The following PLPPR1 variants were observed in gnomAD, a reference collection of about 807,000 sequenced individuals.
The protein encoded by PLPPR1 is phospholipid phosphatase related 1, also known as phospholipid phosphatase-related protein type 1.
PLPPR1 carries 10 observed loss-of-function variants against 33.1 expected under a neutral mutation model. The ratio of observed to expected loss-of-function variants is 0.30; its 90% CI spans 0.19 to 0.51. The LOEUF is 0.51. Ranked by LOEUF, PLPPR1 falls within the 20% of genes least tolerant of loss-of-function variation. The pLI is 0.97. For synonymous variants in PLPPR1, 151 were observed against 151.0 expected, an observed-to-expected ratio of 1.00 and a Z score of 0.00; for missense variants, 304 against 408.1, an observed-to-expected ratio of 0.74 and a Z score of 2.20.
intron 1 of PLPPR1, among the ~76,000 whole-genome samples, chr9:101,098,509 A>G (rs1224209858): frequency 1.3e-5 from 2 of 152,090 alleles, no homozygotes; most frequent in African/African-American, 4.8e-5. Flanking sequence ...AACTAAACTC[A>G]TGGGAATGGG....
At chr9:101,305,976 T>C (rs1828853277) in intron 4 of PLPPR1, among the ~76,000 whole-genome samples, 1 of 152,196 alleles carries the variant, frequency 6.6e-6, no homozygotes, top group Non-Finnish European at 1.5e-5. Context: ...TCATCCTCTT[T>C]CTTTATCCTT....
At chr9:101,301,140 C>T (rs1192087334) in intron 4 of PLPPR1, among the ~76,000 whole-genome samples, 1 of 152,150 alleles carries the variant, frequency 6.6e-6, no homozygotes, top group Admixed American at 6.5e-5. Context: ...TATCCTTCAT[C>T]TTCACTTATC....
At chr9:101,285,775 C>T (rs2118915414) in intron 3 of PLPPR1, among the ~76,000 whole-genome samples, 1 of 152,272 alleles carries the variant, frequency 6.6e-6, no homozygotes, top group Non-Finnish European at 1.5e-5. Context: ...CATTCCTCAT[C>T]ATTGCTACTC....
intron 1 of PLPPR1, among the ~76,000 whole-genome samples, chr9:101,114,241 A>C (rs1190057581): frequency 3.9e-5 from 6 of 152,154 alleles, no homozygotes; most frequent in Non-Finnish European, 8.8e-5. Context: ...TCCTCACAAC[A>C]CCCTTGTGAC....
intron 1 of PLPPR1, among the ~76,000 whole-genome samples, chr9:101,057,974 T>C (rs16919766): frequency 0.048 from 7,241 of 152,088 alleles, 415 homozygotes; most frequent in South Asian, 0.19. Context: ...ATGGCTTTTG[T>C]GAAACATCTA....
At chr9:101,308,145 T>C (rs1197703229) in intron 4 of PLPPR1, among the ~76,000 whole-genome samples, 1 of 152,188 alleles carries the variant, frequency 6.6e-6, no homozygotes, top group Admixed American at 6.5e-5. Context: ...GGAAACTGAA[T>C]GTTACCTTAC....
intron 1 of PLPPR1, among the ~76,000 whole-genome samples, chr9:101,146,736 A>T (rs1187956214): frequency 6.6e-6 from 1 of 152,212 alleles, no homozygotes; most frequent in East Asian, 1.9e-4. Flanking sequence ...GACACAGTAC[A>T]TTGCCTGAGT....
intron 1 of PLPPR1, among the ~76,000 whole-genome samples, chr9:101,037,847 G>A (rs1237111610): frequency 7.2e-6 from 1 of 138,826 alleles, no homozygotes; most frequent in African/African-American, 2.7e-5. Flanking sequence ...ACAGTCTTTT[G>A]GGTCTAGTTT....
chr9:101,056,091 G>A (rs1830275007), intron 1 of PLPPR1, among the ~76,000 whole-genome samples: 1 of 152,104 alleles, frequency 6.6e-6, no homozygotes, highest in Admixed American at 6.5e-5. Context: ...TTAATCCTTT[G>A]GTATTCTGGG....
chr9:101,033,856 T>A (rs1042113470), intron 1 of PLPPR1, among the ~76,000 whole-genome samples: 2 of 152,208 alleles, frequency 1.3e-5, no homozygotes, highest in African/African-American at 4.8e-5. Flanking sequence ...TTTTCATAAT[T>A]GTACAAGCAA....
chr9:101,141,957 G>C (rs2118633124), intron 1 of PLPPR1, among the ~76,000 whole-genome samples: 1 of 152,244 alleles, frequency 6.6e-6, no homozygotes, highest in African/African-American at 2.4e-5. Context: ...TAATTGGCCA[G>C]ATCACTGCAG....
At chr9:101,259,941 T>C (rs1430168726) in intron 2 of PLPPR1, among the ~76,000 whole-genome samples, 2 of 152,172 alleles carry the variant, frequency 1.3e-5, no homozygotes, top group Admixed American at 1.3e-4. Flanking sequence ...AGGCAATTCC[T>C]TGTGAGGGAG....
chr9:101,097,720 C>T (rs557717735), intron 1 of PLPPR1, among the ~76,000 whole-genome samples: 91 of 152,206 alleles, frequency 6.0e-4, no homozygotes, highest in Non-Finnish European at 6.6e-4. Context: ...TGGCCACATT[C>T]GGAATGGAAT....
At chr9:101,159,903 T>C (rs1831751014) in intron 1 of PLPPR1, among the ~76,000 whole-genome samples, 2 of 152,204 alleles carry the variant, frequency 1.3e-5, no homozygotes, top group Non-Finnish European at 1.5e-5. Flanking sequence ...TAGAGCTGGA[T>C]GCTTAAGTCT....
In PLPPR1 at chr9:101,178,137, T is replaced by C. The variant is rs10989420; in HGVS notation, c.-45-7313T>C. ...TAATGATCAAGTGGATAGAATGACCTATGACCTGTGGATACCACTCAGCCT... is the reference window on the plus strand; with the variant it reads ...TAATGATCAAGTGGATAGAATGACCCATGACCTGTGGATACCACTCAGCCT... On this transcript the variant is annotated intron_variant, in intron 1 of 7. Transcript: ENST00000374874. Among the ~76,000 whole-genome samples, 15 of 152,318 alleles carry C rather than the reference T, an allele frequency of 9.8e-5. No homozygotes were observed. In the East Asian group the frequency reaches 2.9e-3, roughly 29 times the overall value.
intron 1 of PLPPR1, among the ~76,000 whole-genome samples, chr9:101,114,094 GAA>G (rs1831091202): frequency 6.6e-6 from 1 of 152,162 alleles, no homozygotes; most frequent in East Asian, 1.9e-4. Flanking sequence ...AAGTCAGAGA[GAA>G]AGAATAGGAA....
chr9:101,108,892 T>G (rs1275281683), intron 1 of PLPPR1, among the ~76,000 whole-genome samples: 1 of 152,036 alleles, frequency 6.6e-6, no homozygotes, highest in Non-Finnish European at 1.5e-5. Context: ...AGTTTATCAA[T>G]ATTATTTACC....
rs113826054 is a variant in PLPPR1 at position 101,056,502 on chromosome 9, A to T, written c.-46+27400A>T. On this transcript the variant is annotated intron_variant, in intron 1 of 7. Coordinates refer to ENST00000374874, the MANE Select transcript of PLPPR1 (RefSeq NM_207299.2). ...TAGGCTATCACAGATTTATTATAGCATGGGCTAGTATATTTTTGTTTTTCT... is the reference window on the plus strand; with the variant it reads ...TAGGCTATCACAGATTTATTATAGCTTGGGCTAGTATATTTTTGTTTTTCT... Among the ~76,000 whole-genome samples, 182 of 152,324 alleles carry T rather than the reference A, an allele frequency of 1.2e-3. 2 individuals are homozygous for T. The highest frequency in any genetic ancestry group is 4.2e-3 in the African/African-American group (173 of 41,576).
At chr9:101,096,832 A>T (rs1830825601) in intron 1 of PLPPR1, among the ~76,000 whole-genome samples, 2 of 152,188 alleles carry the variant, frequency 1.3e-5, no homozygotes, top group Non-Finnish European at 2.9e-5. Flanking sequence ...TGAGAGGCTG[A>T]CGTGGAAGGA....
Sources: gnomAD v4.1 joint callset for allele counts (sites outside exome capture counted in the v4.1 genomes callset) on GRCh38, gnomAD v4.1.1 for gene constraint, MANE v1.5 for transcripts, NCBI Gene and HGNC (gene_info 2026-07-23, HGNC 2026-07-21) for gene names.